STRA6: variants seen among roughly 807,000 people sequenced by gnomAD.
STRA6 encodes the protein receptor for retinol uptake STRA6.
Under a neutral mutation model 83.6 loss-of-function variants are expected in STRA6, and 48 were observed. That is an observed-to-expected ratio of 0.57 (90% CI 0.46 to 0.73). The LOEUF is 0.73. Ranked by LOEUF, STRA6 falls within the 30% of genes least tolerant of loss-of-function variation. The pLI is 0.00. For synonymous variants in STRA6, 353 were observed against 362.3 expected (o/e 0.97, Z 0.29); for missense variants, 760 against 838.8 (o/e 0.91, Z 1.16).
chr15:74,194,343 T>G, intron 7 of STRA6: 1 of 1,085,000 alleles, frequency 9.2e-7, no homozygotes, highest in Non-Finnish European at 1.1e-6. Context: ...TCCTCAGGGC[T>G]GAGGCCTTCC....
intron 8 of STRA6, among the ~76,000 whole-genome samples, chr15:74,192,773 C>G (rs1318538821): frequency 6.6e-6 from 1 of 152,198 alleles, no homozygotes; most frequent in Non-Finnish European, 1.5e-5. Context: ...TGAGTCTGTT[C>G]TTCTTTCCCC....
intron 4 of STRA6, 94 bp downstream of exon 4, chr15:74,197,244 C>G (rs952702302): frequency 1.5e-5 from 13 of 880,030 alleles, no homozygotes; most frequent in Non-Finnish European, 2.2e-5. Context: ...AAAGCCAGAG[C>G]TGCCTTTTAG....
intron 13 of STRA6, 45 bp from the exon 14 acceptor site, chr15:74,184,034 C>A: frequency 6.2e-7 from 1 of 1,607,602 alleles, no homozygotes; most frequent in Non-Finnish European, 8.5e-7. Context: ...GAGCAACACA[C>A]TCTTCCTAAA....
intron 2 of STRA6, among the ~76,000 whole-genome samples, chr15:74,201,351 G>C (rs2074052381): frequency 6.6e-6 from 1 of 152,222 alleles, no homozygotes; most frequent in Non-Finnish European, 1.5e-5. Flanking sequence ...GACAGAGCAG[G>C]GAGATAAGGG....
chr15:74,201,973 A>G (rs557998981), intron 2 of STRA6, among the ~76,000 whole-genome samples, 182 bp downstream of exon 2: 2 of 152,320 alleles, frequency 1.3e-5, no homozygotes, highest in Admixed American at 1.3e-4. Context: ...TTCTCATGTA[A>G]CAGAGGCAGA....
chr15:74,201,665 G>A (rs1005007242), intron 2 of STRA6, among the ~76,000 whole-genome samples: 5 of 152,120 alleles, frequency 3.3e-5, no homozygotes, highest in Admixed American at 2.6e-4. Context: ...TTTCCTCAGT[G>A]ACTTCTCACC....
chr15:74,182,288 G>A (rs370404558), intron 15 of STRA6, 26 bp from the exon 16 acceptor site: 50 of 1,613,078 alleles, frequency 3.1e-5, no homozygotes, highest in Admixed American at 1.2e-4. Context: ...GGAGGTGGTC[G>A]CTGTTAGCGG....
chr15:74,194,461 T>G (rs1045853411), intron 7 of STRA6: 3 of 879,642 alleles, frequency 3.4e-6, no homozygotes, highest in Non-Finnish European at 4.2e-6. Context: ...AGCCACCAAG[T>G]TCCCCCTCTC....
At position 74,196,127 on chromosome 15, in the gene STRA6, C is replaced by G; in HGVS notation, c.287G>C (p.Gly96Ala). The change falls in exon 5 of 19, where the codon GGG becomes GCG. Residue 96 changes from glycine (G) to alanine (A), a missense_variant. Coordinates refer to ENST00000395105, the MANE Select transcript of STRA6 (RefSeq NM_022369.4). ...AGCAGGCACTGCCCGGGGCCTGTCC[C>G]CAGCCAAGAAATCCACAGGGCTAGC... ...GLPSPVDFLA[G>A]DRPRAVPAAV... The G allele has an allele frequency of 6.2e-7, 1 of 1,613,864 alleles. No homozygotes were observed. Among genetic ancestry groups the G allele is most frequent in the South Asian group, 1.1e-5 (1 of 91,076 alleles).
At chr15:74,194,014 C>T (rs558244993) in intron 7 of STRA6, 92 bp from the exon 8 acceptor site, 1 of 1,574,410 alleles carries the variant, frequency 6.4e-7, no homozygotes, top group Non-Finnish European at 8.7e-7. Flanking sequence ...CACACTGGGC[C>T]CTGAGGGTGG....
At chr15:74,190,467 A>AT (rs2073476305) in intron 11 of STRA6, among the ~76,000 whole-genome samples, 2 of 151,564 alleles carry the variant, frequency 1.3e-5, no homozygotes, top group Non-Finnish European at 2.9e-5. Flanking sequence ...TTTATCAAAC[A>AT]TGTTGTCTTG....
At position 74,188,175 on chromosome 15, in the gene STRA6, C is replaced by G. The variant is rs2073351031; in HGVS notation, c.1090+940G>C. ...AAGTGGTCACTCCGTGCACCTCTGCCCACCCCCCACTCCCTGCCCCGCCAT... is the reference window on the plus strand; with the variant it reads ...AAGTGGTCACTCCGTGCACCTCTGCGCACCCCCCACTCCCTGCCCCGCCAT... On this transcript the variant is annotated intron_variant, in intron 12 of 18. Transcript: ENST00000395105. This position sits in a 1 kb window ranked among gnomAD's most constrained non-coding sequence, Gnocchi z 4.5. 6.6e-6 allele frequency among the ~76,000 whole-genome samples: 1 copy of G among 152,158 alleles called. No homozygotes were observed. The highest frequency in any genetic ancestry group is 1.5e-5 in the Non-Finnish European group (1 of 68,022).
chr15:74,202,086 C>A, intron 2 of STRA6, 69 bp downstream of exon 2: 3 of 1,385,066 alleles, frequency 2.2e-6, no homozygotes, highest in Non-Finnish European at 2.8e-6. Flanking sequence ...GCTCCCTGGC[C>A]AGTTGCAACC....
chr15:74,189,004 G>T, intron 12 of STRA6, 111 bp downstream of exon 12: 1 of 1,314,646 alleles, frequency 7.6e-7, no homozygotes, highest in Non-Finnish European at 1.1e-6. Flanking sequence ...GAGAGAGGAA[G>T]GAATGTGTCC....
intron 2 of STRA6, among the ~76,000 whole-genome samples, chr15:74,198,500 A>T (rs140441089): frequency 5.3e-5 from 8 of 152,228 alleles, no homozygotes; most frequent in South Asian, 4.1e-4. Context: ...GGTCTCACAG[A>T]CGTCTTCTCA....
chr15:74,191,719 C>T (rs1311559258), intron 8 of STRA6: 1 of 600,182 alleles, frequency 1.7e-6, no homozygotes, highest in Non-Finnish European at 3.0e-6. Context: ...TATCAAAGAA[C>T]CATCAATGCC....
At chr15:74,184,795 G>A (rs1324223038) in intron 13 of STRA6, among the ~76,000 whole-genome samples, 185 bp downstream of exon 13, 1 of 152,196 alleles carries the variant, frequency 6.6e-6, no homozygotes, top group African/African-American at 2.4e-5. Context: ...CAGACAGGAA[G>A]GCCCAAGGGC....
chr15:74,206,376 G>A (rs2074262445), upstream of STRA6, among the ~76,000 whole-genome samples: 1 of 152,202 alleles, frequency 6.6e-6, no homozygotes, highest in East Asian at 1.9e-4. Flanking sequence ...ATCGCTTGGA[G>A]CTCCCATCTG....
Position 74,191,222 on chromosome 15 carries a change from G to A in STRA6, c.810C>T (p.Gly270=). The change falls in exon 10 of 19, where the codon GGC becomes GGT. Residue 270 remains glycine (G), a synonymous_variant. Transcript: ENST00000395105. ...LGSSYHTSKH[G]FLSWARVCLR... is the part of the protein sequence containing the mutation. ...AGCAGACGCGGGCCCAGGACAGGAAGCCATGCTTGGAGGTGTGGTAGCTGC... is the reference window on the plus strand; with the variant it reads ...AGCAGACGCGGGCCCAGGACAGGAAACCATGCTTGGAGGTGTGGTAGCTGC... The A allele has an allele frequency of 6.2e-7, 1 of 1,613,980 alleles. No individual in the cohort carries two copies. The highest frequency in any genetic ancestry group is 8.5e-7 in the Non-Finnish European group (1 of 1,180,004).
Sources: allele counts gnomAD v4.1 joint callset (sites outside exome capture counted in the v4.1 genomes callset), GRCh38; gene constraint gnomAD v4.1.1; non-coding constraint Gnocchi (gnomAD v3.1); transcripts MANE v1.5; gene names NCBI Gene and HGNC (gene_info 2026-07-23, HGNC 2026-07-21).